The following MAPK10 variants were observed in gnomAD, a reference collection of about 807,000 sequenced individuals.
MAPK10 encodes the protein mitogen-activated protein kinase 10.
Under a neutral mutation model 59.3 loss-of-function variants are expected in MAPK10, and 25 were observed. The observed-to-expected ratio is 0.42, with a 90% CI of 0.31 to 0.59. MAPK10 has a LOEUF of 0.59. Among genes scored for constraint, MAPK10 ranks in the 20% least tolerant of loss-of-function variants. MAPK10 has a pLI of 0.15. For missense variants in MAPK10, 351 were observed against 568.9 expected, an observed-to-expected ratio of 0.62 and a Z score of 3.90; for synonymous variants, 190 against 200.5, an observed-to-expected ratio of 0.95 and a Z score of 0.44.
chr4:86,278,084 T>C (rs1177043370), intron 2 of MAPK10, among the ~76,000 whole-genome samples: 1 of 152,148 alleles, frequency 6.6e-6, no homozygotes, highest in Non-Finnish European at 1.5e-5. Flanking sequence ...TCTATAACAA[T>C]ACTTTGTCTA....
In MAPK10 at chr4:86,064,539, C is replaced by T. The variant is rs878876839; in HGVS notation, c.986-149G>A. On this transcript the variant is annotated intron_variant, in intron 10 of 13. Coordinates refer to ENST00000641462, the MANE Select transcript of MAPK10 (RefSeq NM_138982.4). The stretch of plus-strand genomic sequence containing the variant: ...CCTTGATGTGATGGAAAAGAAAATG[C>T]ATTTTACACCTGTTTCTTTGTGTCT... The T allele has an allele frequency of 1.8e-4, 122 of 694,148 alleles. 1 individual carries two copies. In the South Asian group the frequency reaches 2.1e-3, roughly 12 times the overall value. The allele number at this position is 694,148 out of a possible 1,614,324, so 43.0% of individuals were successfully genotyped here.
chr4:86,306,468 A>G (rs1448550908), intron 2 of MAPK10, among the ~76,000 whole-genome samples: 1 of 152,232 alleles, frequency 6.6e-6, no homozygotes, highest in Non-Finnish European at 1.5e-5. Flanking sequence ...ACCCCAAATC[A>G]TACTTTGCAA....
intron 2 of MAPK10, among the ~76,000 whole-genome samples, chr4:86,353,525 T>C (rs1229728620): frequency 2.0e-5 from 3 of 152,180 alleles, no homozygotes; most frequent in East Asian, 1.9e-4. Flanking sequence ...ATAACGCTCA[T>C]TGAATACATG....
intron 3 of MAPK10, among the ~76,000 whole-genome samples, chr4:86,170,689 C>T (rs1370888703): frequency 2.0e-5 from 3 of 151,806 alleles, no homozygotes; most frequent in Non-Finnish European, 2.9e-5. Context: ...AACAAGGATA[C>T]CCAGGAATTG....
intron 1 of MAPK10, among the ~76,000 whole-genome samples, chr4:86,560,023 C>G (rs1228682402): frequency 6.6e-6 from 1 of 150,780 alleles, no homozygotes; most frequent in African/African-American, 2.4e-5. Flanking sequence ...TTACTAATCA[C>G]TAAATATCAT....
At chr4:86,126,334 GT>G (rs1346740910) in intron 4 of MAPK10, among the ~76,000 whole-genome samples, 1 of 152,000 alleles carries the variant, frequency 6.6e-6, no homozygotes, top group African/African-American at 2.4e-5. Context: ...CTTTGCAGCA[GT>G]TTATTTGTAT....
chr4:86,432,003 T>C (rs560088229), intron 1 of MAPK10, among the ~76,000 whole-genome samples: 1 of 152,276 alleles, frequency 6.6e-6, no homozygotes, highest in African/African-American at 2.4e-5. Context: ...TGGTCAGATG[T>C]TTTGTTGAAA....
intron 2 of MAPK10, among the ~76,000 whole-genome samples, chr4:86,238,593 A>G (rs890581715): frequency 5.3e-5 from 8 of 152,006 alleles, no homozygotes; most frequent in Admixed American, 5.2e-4. Context: ...TAGGTATTTT[A>G]TTCTCTTTGT....
intron 9 of MAPK10, chr4:86,080,651 G>A (rs1023342972): frequency 6.6e-6 from 1 of 151,772 alleles, no homozygotes; most frequent in Admixed American, 6.6e-5. Context: ...CAATCATAAG[G>A]GTGAATCTAA....
At chr4:86,491,350 C>G (rs1184967594) in intron 1 of MAPK10, among the ~76,000 whole-genome samples, 3 of 152,170 alleles carry the variant, frequency 2.0e-5, no homozygotes, top group African/African-American at 7.2e-5. Context: ...TACCAGAGTA[C>G]CTGCTCAGGA....
At chr4:86,308,754 C>T (rs1232144108) in intron 2 of MAPK10, 2 of 152,108 alleles carry the variant, frequency 1.3e-5, no homozygotes, top group East Asian at 1.9e-4. Context: ...CCCAAAGCTA[C>T]CTGGGATTTG....
intron 2 of MAPK10, among the ~76,000 whole-genome samples, chr4:86,330,203 TTG>T (rs1326652412): frequency 6.6e-6 from 1 of 152,220 alleles, no homozygotes; most frequent in Non-Finnish European, 1.5e-5. Flanking sequence ...TTCAGTTTTT[TTG>T]TGTGTGTTTA....
chr4:86,205,650 G>A (rs1251232265), intron 2 of MAPK10, among the ~76,000 whole-genome samples: 8 of 151,870 alleles, frequency 5.3e-5, no homozygotes, highest in African/African-American at 2.4e-5. Context: ...ATACAAGCAT[G>A]TGGCAAATTG....
chr4:86,215,663 T>C (rs1329305543), intron 2 of MAPK10, among the ~76,000 whole-genome samples: 1 of 152,030 alleles, frequency 6.6e-6, no homozygotes, highest in Non-Finnish European at 1.5e-5. Flanking sequence ...GAGATCAAGA[T>C]CATCATGGCC....
chr4:86,516,040 T>C (rs1338940447), intron 1 of MAPK10, among the ~76,000 whole-genome samples: 3 of 152,296 alleles, frequency 2.0e-5, no homozygotes, highest in African/African-American at 4.8e-5. Context: ...TTTTGATCCA[T>C]CTTAAGTTTA....
intron 1 of MAPK10, among the ~76,000 whole-genome samples, chr4:86,499,459 T>C (rs912525271): frequency 6.6e-6 from 1 of 152,166 alleles, no homozygotes; most frequent in Non-Finnish European, 1.5e-5. Flanking sequence ...TCGGTTATTT[T>C]CTTGCCAGGG....
chr4:86,393,921 C>T (rs766634639), intron 1 of MAPK10, among the ~76,000 whole-genome samples: 2 of 152,162 alleles, frequency 1.3e-5, no homozygotes, highest in Non-Finnish European at 2.9e-5. Context: ...GTTATTGCAA[C>T]ATTAAGAGCA....
At chr4:86,579,152 A>G (rs1205068259) in intron 1 of MAPK10, among the ~76,000 whole-genome samples, 1 of 152,200 alleles carries the variant, frequency 6.6e-6, no homozygotes, top group African/African-American at 2.4e-5. Flanking sequence ...AAAGATACAA[A>G]GTTTATGTTA....
chr4:86,462,005 G>A (rs1193363108), intron 1 of MAPK10, among the ~76,000 whole-genome samples: 1 of 152,198 alleles, frequency 6.6e-6, no homozygotes, highest in Admixed American at 6.5e-5. Flanking sequence ...GCCATGCAGG[G>A]CCCATCCTGG....
Sources: gnomAD v4.1 joint callset for allele counts (sites outside exome capture counted in the v4.1 genomes callset) on GRCh38, gnomAD v4.1.1 for gene constraint, MANE v1.5 for transcripts, NCBI Gene and HGNC (gene_info 2026-07-23, HGNC 2026-07-21) for gene names.